AP3S1: variants seen among roughly 807,000 people sequenced by gnomAD.
AP3S1 encodes the protein AP-3 complex subunit sigma-1.
In AP3S1, 12 loss-of-function variants were observed where a neutral mutation model predicts 21.3. The ratio of observed to expected loss-of-function variants is 0.56; its 90% CI spans 0.36 to 0.91. AP3S1 has a LOEUF of 0.91. Among genes scored for constraint, AP3S1 ranks in the 40% least tolerant of loss-of-function variants. The probability of loss-of-function intolerance (pLI) is 0.01; values close to 1 mark genes in which losing one functional copy is unlikely to be tolerated. For synonymous variants in AP3S1, 48 were observed against 78.4 expected, an observed-to-expected ratio of 0.61 and a Z score of 2.05; for missense variants, 116 against 225.0, an observed-to-expected ratio of 0.52 and a Z score of 3.10.
intron 5 of AP3S1, among the ~76,000 whole-genome samples, chr5:115,911,558 C>T (rs749021423): frequency 4.6e-5 from 7 of 151,936 alleles, no homozygotes; most frequent in Admixed American, 6.6e-5. Context: ...ACCTCCAGGA[C>T]GTCTGCAATT....
intron 1 of AP3S1, among the ~76,000 whole-genome samples, chr5:115,865,473 G>A (rs148895827): frequency 6.8e-4 from 104 of 152,194 alleles, no homozygotes; most frequent in African/African-American, 2.2e-3. Context: ...TCAAAAACTG[G>A]TTTCATATGG....
chr5:115,854,571 A>G (rs927440657), intron 1 of AP3S1, among the ~76,000 whole-genome samples: 1 of 152,122 alleles, frequency 6.6e-6, no homozygotes, highest in Non-Finnish European at 1.5e-5. Context: ...ACTTCTTAGG[A>G]GAGGCCTTGG....
chr5:115,871,920 T>G (rs1748291892), intron 3 of AP3S1, among the ~76,000 whole-genome samples: 1 of 152,154 alleles, frequency 6.6e-6, no homozygotes, highest in African/African-American at 2.4e-5. Flanking sequence ...GAAGGTGGCA[T>G]GGTTTGAGCT....
intron 3 of AP3S1, among the ~76,000 whole-genome samples, chr5:115,884,543 C>G (rs573938148): frequency 5.1e-4 from 78 of 152,292 alleles, no homozygotes; most frequent in African/African-American, 1.8e-3. Flanking sequence ...CCTTTGTACT[C>G]CAGCCTGGGT....
chr5:115,893,038 G>T (rs1484015579), intron 3 of AP3S1, among the ~76,000 whole-genome samples: 2 of 152,162 alleles, frequency 1.3e-5, no homozygotes, highest in Non-Finnish European at 2.9e-5. Context: ...CTTGTGGTGA[G>T]GTCAAGTGTT....
rs775519328 is a variant in AP3S1, at chr5:115,903,020, A to T, written c.453+28A>T. 2.3e-5 allele frequency: 16 copies of T among 695,732 alleles called. No homozygotes were observed. The Admixed American group carries it at 6.3e-4, about 27-fold the overall frequency. 43.1% of individuals were successfully genotyped at this position (695,732 alleles called of 1,614,324 possible). On this transcript the variant is annotated intron_variant, in intron 5 of 5. Transcript: ENST00000316788. ...AAGAATGGAAAATGCTGTAGTTAAG[A>T]AGGTTCTAAGCATGATGACAGATTA...
chr5:115,872,901 T>A (rs1434718692), intron 3 of AP3S1, among the ~76,000 whole-genome samples: 1 of 152,212 alleles, frequency 6.6e-6, no homozygotes, highest in Non-Finnish European at 1.5e-5. Flanking sequence ...TGCTTTCTAT[T>A]TCTCTGTTTC....
intron 4 of AP3S1, among the ~76,000 whole-genome samples, chr5:115,900,714 T>A (rs2112564495): frequency 6.6e-6 from 1 of 152,338 alleles, no homozygotes; most frequent in African/African-American, 2.4e-5. Context: ...GAGAATGATG[T>A]TTAGAAATGA....
In AP3S1 at chr5:115,844,283, C is replaced by T. The variant is rs992739607; in HGVS notation, c.69+2177C>T. 2.0e-5 allele frequency among the ~76,000 whole-genome samples: 3 copies of T among 152,124 alleles called. No homozygotes were observed. The East Asian group carries it at 5.8e-4, about 29-fold the overall frequency. On this transcript the variant is annotated intron_variant, in intron 1 of 5. Transcript: ENST00000316788. ...AATCTGAAGATGAACAGATAACTTT[C>T]GCTCTTGTGTGAGGAACATAGCACT... is the stretch of plus-strand genomic sequence containing the variant.
At chr5:115,849,689 T>C (rs543905249) in intron 1 of AP3S1, among the ~76,000 whole-genome samples, 1 of 152,294 alleles carries the variant, frequency 6.6e-6, no homozygotes, top group East Asian at 1.9e-4. Context: ...CTCCTCTGAT[T>C]GGTTACTTTC....
chr5:115,892,666 T>G (rs1750414691), intron 3 of AP3S1, among the ~76,000 whole-genome samples: 1 of 151,978 alleles, frequency 6.6e-6, no homozygotes, highest in Admixed American at 6.6e-5. Context: ...GGAAGGGTAG[T>G]GGAGGGTTGG....
rs1433914142 is a variant in AP3S1 at position 115,913,950 on chromosome 5, G to C, written c.*460G>C. 5.5e-5 allele frequency: 3 copies of C among 55,032 alleles called. No individual in the cohort carries two copies. The highest frequency in any genetic ancestry group is 1.4e-4 in the African/African-American group (2 of 14,722). 3.4% of individuals were successfully genotyped at this position (55,032 alleles called of 1,614,324 possible). A position where few individuals can be genotyped will look rare whatever the true frequency, so the allele number is the denominator to read the frequency against. On this transcript the variant is annotated 3_prime_UTR_variant, in exon 6 of 6. Coordinates refer to ENST00000316788, the MANE Select transcript of AP3S1 (RefSeq NM_001284.4). ...AAAACATTATGACTTTTTTCTCTTA[G>C]TTTAAATAAACTCCAAGGTAACTGG...
chr5:115,849,694 A>T (rs1394194767), intron 1 of AP3S1, among the ~76,000 whole-genome samples: 1 of 152,182 alleles, frequency 6.6e-6, no homozygotes, highest in Non-Finnish European at 1.5e-5. Flanking sequence ...CTGATTGGTT[A>T]CTTTCTTCTC....
chr5:115,859,442 A>G (rs1482543869), intron 1 of AP3S1, among the ~76,000 whole-genome samples: 2 of 152,226 alleles, frequency 1.3e-5, no homozygotes, highest in African/African-American at 2.4e-5. Context: ...CAACCTGATC[A>G]TCTGGGAGGA....
chr5:115,866,224 T>C (rs908155438), intron 1 of AP3S1, among the ~76,000 whole-genome samples: 2 of 152,254 alleles, frequency 1.3e-5, no homozygotes, highest in African/African-American at 2.4e-5. Context: ...CCTCAGTCTA[T>C]ATTTAGTAAA....
chr5:115,859,084 G>A (rs1290590721), intron 1 of AP3S1, among the ~76,000 whole-genome samples: 1 of 152,066 alleles, frequency 6.6e-6, no homozygotes, highest in African/African-American at 2.4e-5. Flanking sequence ...ATCCTTGACT[G>A]ACTGCTCCTT....
chr5:115,860,662 T>C (rs1763107825), intron 1 of AP3S1, among the ~76,000 whole-genome samples: 1 of 152,204 alleles, frequency 6.6e-6, no homozygotes, highest in African/African-American at 2.4e-5. Flanking sequence ...AATTTAGGAT[T>C]AAATTTTCTG....
intron 1 of AP3S1, among the ~76,000 whole-genome samples, chr5:115,842,888 A>T (rs1454496960): frequency 6.6e-6 from 1 of 152,202 alleles, no homozygotes; most frequent in South Asian, 2.1e-4. Context: ...AAAAGTTATG[A>T]TTTCAGCTTC....
chr5:115,907,055 A>G, intron 5 of AP3S1: 1 of 909,576 alleles, frequency 1.1e-6, no homozygotes, highest in Admixed American at 6.2e-5. Flanking sequence ...TTTTACTAGT[A>G]TATCATTGAT....
Sources: allele counts gnomAD v4.1 joint callset (sites outside exome capture counted in the v4.1 genomes callset), GRCh38; gene constraint gnomAD v4.1.1; transcripts MANE v1.5; gene names NCBI Gene and HGNC (gene_info 2026-07-23, HGNC 2026-07-21).